The following CSMD1 variants were observed in gnomAD, a reference collection of about 807,000 sequenced individuals.
The protein encoded by CSMD1 is CUB and Sushi multiple domains 1.
A neutral mutation model predicts 417.5 loss-of-function variants in CSMD1; 213 were observed. The observed-to-expected ratio is 0.51, with a 90% CI of 0.46 to 0.57. CSMD1 has a LOEUF of 0.57. Among genes scored for constraint, CSMD1 ranks in the 20% least tolerant of loss-of-function variants. CSMD1 has a pLI of 0.00. For synonymous variants in CSMD1, 2,862 were observed against 1,736.8 expected, an observed-to-expected ratio of 1.65 and a Z score of -16.11; for missense variants, 6,923 against 4,529.7, an observed-to-expected ratio of 1.53 and a Z score of -15.17.
intron 26 of CSMD1, among the ~76,000 whole-genome samples, chr8:3,245,505 C>T (rs537011859): frequency 6.6e-6 from 1 of 152,166 alleles, no homozygotes; most frequent in African/African-American, 2.4e-5. Flanking sequence ...AAATAAGCCT[C>T]CTGTCAGCTT....
intron 3 of CSMD1, among the ~76,000 whole-genome samples, chr8:4,231,244 C>A (rs1801709082): frequency 6.6e-6 from 1 of 152,148 alleles, no homozygotes; most frequent in Admixed American, 6.5e-5. Flanking sequence ...TTACTGCCGC[C>A]ATCATGGAAG....
chr8:3,434,645 G>T (rs888673834), intron 12 of CSMD1, among the ~76,000 whole-genome samples: 2 of 152,116 alleles, frequency 1.3e-5, no homozygotes, highest in African/African-American at 4.8e-5. Context: ...CAACCTAATT[G>T]TTTGATCTGA....
At chr8:4,967,322 A>C (rs188734685) in intron 1 of CSMD1, among the ~76,000 whole-genome samples, 1 of 152,192 alleles carries the variant, frequency 6.6e-6, no homozygotes, top group Non-Finnish European at 1.5e-5. Flanking sequence ...TTCTCTGAAC[A>C]ATTAGTTTTA....
At chr8:4,534,970 C>G (rs950278741) in intron 2 of CSMD1, among the ~76,000 whole-genome samples, 1 of 151,930 alleles carries the variant, frequency 6.6e-6, no homozygotes, top group African/African-American at 2.4e-5. Context: ...CCCATGTTAG[C>G]CAGGATGGTC....
chr8:4,010,155 AG>A (rs1445927341), intron 4 of CSMD1, among the ~76,000 whole-genome samples: 1 of 152,102 alleles, frequency 6.6e-6, no homozygotes, highest in Non-Finnish European at 1.5e-5. Flanking sequence ...TCATCTCAGT[AG>A]CCAATGTTTT....
At position 3,462,132 on chromosome 8, in the gene CSMD1, C is replaced by G. The variant is rs987343332; in HGVS notation, c.1561+6580G>C. On this transcript the variant is annotated intron_variant, in intron 12 of 69. Transcript: ENST00000635120. ...CTCTTCAGAATCCAGGCCCCCCCCC[C>G]CACCTCCCAGCTGCTCGGGACCCAC... Among the ~76,000 whole-genome samples, 9 of 151,788 alleles carry G rather than the reference C, an allele frequency of 5.9e-5. 1 individual carries two copies. The highest frequency in any genetic ancestry group is 3.3e-4 in the Admixed American group (5 of 15,242).
At chr8:3,864,781 G>C (rs552820317) in intron 5 of CSMD1, among the ~76,000 whole-genome samples, 1 of 152,270 alleles carries the variant, frequency 6.6e-6, no homozygotes, top group East Asian at 1.9e-4. Context: ...TTAACTAGAT[G>C]TTATTATAGC....
Position 3,214,610 on chromosome 8 carries a change from G to A in CSMD1, c.4754C>T (p.Thr1585Ile), listed in dbSNP as rs745335742. The A allele has an allele frequency of 1.9e-6, 3 of 1,561,682 alleles. No individual in the cohort carries two copies. Among genetic ancestry groups the A allele is most frequent in the Admixed American group, 1.9e-5 (1 of 51,936 alleles). The change falls in exon 30 of 70, where the codon ACC becomes ATC. Residue 1585 changes from threonine (T) to isoleucine (I), a missense_variant. By Grantham distance (89) the Thr-to-Ile change is moderately conservative. Coordinates refer to ENST00000635120, the MANE Select transcript of CSMD1 (RefSeq NM_033225.6). ...GCCAGAGTCACACTGGTAGGTGATG[G>A]TGGAGCCAAGCTTGAAGTCTGTTCC... ...RVGTDFKLGS[T>I]ITYQCDSGYK...
intron 3 of CSMD1, among the ~76,000 whole-genome samples, chr8:4,219,394 A>C (rs1800883103): frequency 6.6e-6 from 1 of 152,226 alleles, no homozygotes; most frequent in South Asian, 2.1e-4. Context: ...ATAAATATTT[A>C]TAAAATTAAT....
rs571328743 is a variant in CSMD1, at chr8:4,442,419, A to G, written c.303-22354T>C. ...TACGTTTCCAGTCCCCACTGTATATATGAACATATAAAGCCCAGTTCTATA... is the reference window on the plus strand; with the variant it reads ...TACGTTTCCAGTCCCCACTGTATATGTGAACATATAAAGCCCAGTTCTATA... On this transcript the variant is annotated intron_variant, in intron 2 of 69. Coordinates refer to ENST00000635120, the MANE Select transcript of CSMD1 (RefSeq NM_033225.6). Among the ~76,000 whole-genome samples the G allele has an allele frequency of 3.9e-5, 6 of 152,304 alleles. No individual in the cohort carries two copies. The South Asian group carries it at 1.2e-3, about 32-fold the overall frequency.
intron 5 of CSMD1, among the ~76,000 whole-genome samples, chr8:3,793,208 C>A (rs376043385): frequency 1.3e-5 from 2 of 152,176 alleles, no homozygotes; most frequent in African/African-American, 4.8e-5. Context: ...ATTTTTCTCT[C>A]AACCGCTATG....
chr8:4,573,665 C>T (rs575906494), intron 2 of CSMD1, among the ~76,000 whole-genome samples: 1 of 152,108 alleles, frequency 6.6e-6, no homozygotes, highest in Non-Finnish European at 1.5e-5. Context: ...AGGAGATCTG[C>T]TGCTGTCTTC....
chr8:4,630,781 G>T (rs577794764), intron 2 of CSMD1, among the ~76,000 whole-genome samples: 9 of 152,092 alleles, frequency 5.9e-5, no homozygotes, highest in African/African-American at 2.2e-4. Context: ...TTTCTGTGAT[G>T]TGTCATCTGT....
chr8:4,150,145 A>G (rs1331701052), intron 3 of CSMD1, among the ~76,000 whole-genome samples: 2 of 152,198 alleles, frequency 1.3e-5, no homozygotes, highest in Non-Finnish European at 2.9e-5. Flanking sequence ...ATAAACTGTG[A>G]TATCTTGAGG....
At chr8:3,369,706 G>C (rs1226632488) in intron 18 of CSMD1, among the ~76,000 whole-genome samples, 1 of 152,154 alleles carries the variant, frequency 6.6e-6, no homozygotes, top group Non-Finnish European at 1.5e-5. Flanking sequence ...ACTTCATTGA[G>C]TTCAAATCCC....
chr8:4,094,857 G>T (rs1461919113), intron 3 of CSMD1, among the ~76,000 whole-genome samples: 3 of 152,190 alleles, frequency 2.0e-5, no homozygotes. Context: ...AGTTGGTGAT[G>T]TGTTTGGGGC....
intron 36 of CSMD1, among the ~76,000 whole-genome samples, chr8:3,182,097 A>G (rs1460473575): frequency 2.0e-5 from 3 of 152,124 alleles, no homozygotes; most frequent in African/African-American, 4.8e-5. Flanking sequence ...TAGATAAATT[A>G]TTCAAGTACT....
In CSMD1 at chr8:3,131,280, A is replaced by G. The variant is rs531992950; in HGVS notation, c.6241+11185T>C. ...TGTAGTAACATTTTGAAATATCTGC[A>G]CATGTATACATATGTAACTAACCTA... On this transcript the variant is annotated intron_variant, in intron 41 of 69. Coordinates refer to ENST00000635120, the MANE Select transcript of CSMD1 (RefSeq NM_033225.6). 5.3e-5 allele frequency among the ~76,000 whole-genome samples: 8 copies of G among 152,258 alleles called. No homozygotes were observed. The East Asian group carries it at 1.5e-3, about 29-fold the overall frequency.
At chr8:3,240,818 C>A (rs1359329893) in intron 26 of CSMD1, among the ~76,000 whole-genome samples, 1 of 152,168 alleles carries the variant, frequency 6.6e-6, no homozygotes, top group Non-Finnish European at 1.5e-5. Context: ...AGATCCTGAA[C>A]TAACCTGTAA....
Sources: gnomAD v4.1 joint callset for allele counts (sites outside exome capture counted in the v4.1 genomes callset) on GRCh38, gnomAD v4.1.1 for gene constraint, MANE v1.5 for transcripts, NCBI Gene and HGNC (gene_info 2026-07-23, HGNC 2026-07-21) for gene names.